The following HCN1 variants were observed in gnomAD, a reference collection of about 807,000 sequenced individuals.
The protein encoded by HCN1 is potassium/sodium hyperpolarization-activated cyclic nucleotide-gated channel 1.
HCN1 carries 13 observed loss-of-function variants against 78.9 expected under a neutral mutation model. That is an observed-to-expected ratio of 0.16 (90% CI 0.11 to 0.26). The LOEUF is 0.26. HCN1 is among the 10% of genes least tolerant of loss of function. The pLI is 1.00. For missense variants in HCN1, 810 were observed against 1,154.3 expected, an observed-to-expected ratio of 0.70 and a Z score of 4.32; for synonymous variants, 552 against 455.5, an observed-to-expected ratio of 1.21 and a Z score of -2.70.
At chr5:45,274,065 A>G (rs1475117481) in intron 6 of HCN1, among the ~76,000 whole-genome samples, 1 of 152,164 alleles carries the variant, frequency 6.6e-6, no homozygotes, top group East Asian at 1.9e-4. Context: ...ATTTTGTACA[A>G]TCTTCTGAAA....
At chr5:45,507,649 C>A (rs1465415855) in intron 2 of HCN1, among the ~76,000 whole-genome samples, 3 of 152,062 alleles carry the variant, frequency 2.0e-5, no homozygotes, top group African/African-American at 4.8e-5. Context: ...TAAAGGAGCA[C>A]ACACACATGG....
intron 3 of HCN1, among the ~76,000 whole-genome samples, chr5:45,452,978 T>C (rs1207499390): frequency 6.6e-6 from 1 of 152,080 alleles, no homozygotes; most frequent in Non-Finnish European, 1.5e-5. Context: ...TTCTGTCATA[T>C]ATCTCTAGAG....
intron 5 of HCN1, among the ~76,000 whole-genome samples, chr5:45,308,543 T>C (rs148705386): frequency 2.4e-3 from 362 of 152,248 alleles, no homozygotes; most frequent in African/African-American, 8.2e-3. Context: ...CAGTCTGGGG[T>C]TAAGCAGCAG....
chr5:45,606,603 A>G (rs1241588112), intron 2 of HCN1, among the ~76,000 whole-genome samples: 2 of 152,108 alleles, frequency 1.3e-5, no homozygotes, highest in African/African-American at 4.8e-5. Context: ...ACTCCAGCAC[A>G]TAAACCGGAT....
chr5:45,461,427 G>A (rs184013602), intron 3 of HCN1, among the ~76,000 whole-genome samples: 381 of 152,146 alleles, frequency 2.5e-3, no homozygotes, highest in Middle Eastern at 6.8e-3. Flanking sequence ...CTATGCTGAT[G>A]TATCTGCCTT....
chr5:45,494,707 T>A (rs1012335363), intron 2 of HCN1, among the ~76,000 whole-genome samples: 13 of 152,232 alleles, frequency 8.5e-5, no homozygotes, highest in African/African-American at 2.6e-4. Context: ...TGCCTAGGTT[T>A]TCTTCTAGGG....
At chr5:45,280,472 C>T (rs1015025398) in intron 6 of HCN1, among the ~76,000 whole-genome samples, 3 of 152,122 alleles carry the variant, frequency 2.0e-5, no homozygotes, top group African/African-American at 7.2e-5. Context: ...ACATTTTGGG[C>T]CAGATAATTT....
At position 45,346,477 on chromosome 5, in the gene HCN1, G is replaced by A. The variant is rs573685919; in HGVS notation, c.1377+6623C>T. 1.2e-4 allele frequency among the ~76,000 whole-genome samples: 19 copies of A among 152,064 alleles called. No homozygotes were observed. The South Asian group carries it at 2.3e-3, about 18-fold the overall frequency. ...TTTCTGCATTTCCATCTGAGGTACCGGGTTCATCTCACTAGGGAGTACCAG... is the reference window on the plus strand; with the variant it reads ...TTTCTGCATTTCCATCTGAGGTACCAGGTTCATCTCACTAGGGAGTACCAG... On this transcript the variant is annotated intron_variant, in intron 5 of 7. Coordinates refer to ENST00000303230, the MANE Select transcript of HCN1 (RefSeq NM_021072.4).
chr5:45,505,477 C>A (rs2111744012), intron 2 of HCN1, among the ~76,000 whole-genome samples: 2 of 152,176 alleles, frequency 1.3e-5, no homozygotes, highest in Middle Eastern at 6.8e-3. Flanking sequence ...GTTTTGGTAC[C>A]AGTAACATGC....
chr5:45,457,034 C>A (rs974704768), intron 3 of HCN1, among the ~76,000 whole-genome samples: 1 of 151,898 alleles, frequency 6.6e-6, no homozygotes, highest in Admixed American at 6.6e-5. Context: ...TATGTTAAAA[C>A]CTTCAAAATG....
At chr5:45,282,332 G>C (rs1745185894) in intron 6 of HCN1, among the ~76,000 whole-genome samples, 1 of 152,112 alleles carries the variant, frequency 6.6e-6, no homozygotes, top group Non-Finnish European at 1.5e-5. Flanking sequence ...ATGTTATCTT[G>C]AGTAGAATGT....
chr5:45,447,819 T>C (rs545565082), intron 3 of HCN1, among the ~76,000 whole-genome samples: 7 of 152,038 alleles, frequency 4.6e-5, no homozygotes, highest in African/African-American at 1.7e-4. Flanking sequence ...GTTTGGTATA[T>C]GTCCTTAGCA....
chr5:45,537,595 G>A (rs1579955966), intron 2 of HCN1, among the ~76,000 whole-genome samples: 1 of 124,112 alleles, frequency 8.1e-6, no homozygotes, highest in Non-Finnish European at 1.6e-5. Context: ...CTGGAGTGAA[G>A]TGGCGAGATC....
intron 2 of HCN1, among the ~76,000 whole-genome samples, chr5:45,613,329 T>C (rs1301458233): frequency 6.6e-6 from 1 of 152,074 alleles, no homozygotes; most frequent in African/African-American, 2.4e-5. Flanking sequence ...ACAAAGGACA[T>C]GAACTCATCA....
intron 5 of HCN1, 84 bp from the exon 6 acceptor site, chr5:45,303,923 C>T: frequency 1.7e-6 from 2 of 1,177,992 alleles, no homozygotes; most frequent in East Asian, 2.4e-5. Flanking sequence ...AAAATATATA[C>T]AGCATAACAT....
intron 2 of HCN1, among the ~76,000 whole-genome samples, chr5:45,492,943 C>T (rs1216371608): frequency 2.0e-5 from 3 of 152,002 alleles, no homozygotes; most frequent in Non-Finnish European, 2.9e-5. Flanking sequence ...AAGCTGGGAC[C>T]TTCATACAAT....
At chr5:45,460,877 C>CA (rs1301830049) in intron 3 of HCN1, among the ~76,000 whole-genome samples, 1 of 147,516 alleles carries the variant, frequency 6.8e-6, no homozygotes, top group Non-Finnish European at 1.5e-5. Flanking sequence ...GTAATTTCTA[C>CA]AAAAATAAGC....
chr5:45,362,373 CTT>C (rs1747132929), intron 4 of HCN1, among the ~76,000 whole-genome samples: 1 of 152,010 alleles, frequency 6.6e-6, no homozygotes, highest in South Asian at 2.1e-4. Flanking sequence ...CAGAAGATGA[CTT>C]TACATAGAAT....
At position 45,454,500 on chromosome 5, in the gene HCN1, TA is replaced by T. The variant is rs923456086; in HGVS notation, c.1011+7345del. 1.5e-3 allele frequency among the ~76,000 whole-genome samples: 225 copies of T among 149,858 alleles called. 1 individual carries two copies. Among genetic ancestry groups the T allele is most frequent in the South Asian group, 4.8e-3 (23 of 4,758 alleles). On this transcript the variant is annotated intron_variant, in intron 3 of 7. Transcript: ENST00000303230. ...GGTCTTAAAAAAAAATAAAAAAAAATAAAAAAAAATAAAATCTTTCTGTTAT... is the reference window on the plus strand; with the variant it reads ...GGTCTTAAAAAAAAATAAAAAAAAATAAAAAAAATAAAATCTTTCTGTTAT...
Sources: gnomAD v4.1 joint callset for allele counts (sites outside exome capture counted in the v4.1 genomes callset) on GRCh38, gnomAD v4.1.1 for gene constraint, MANE v1.5 for transcripts, NCBI Gene and HGNC (gene_info 2026-07-23, HGNC 2026-07-21) for gene names.